ADCY8: variants seen among roughly 807,000 people sequenced by gnomAD.
ADCY8 encodes the protein adenylate cyclase 8, also known as adenylate cyclase type 8.
ADCY8 carries 51 observed loss-of-function variants against 119.7 expected under a neutral mutation model. The ratio of observed to expected loss-of-function variants is 0.43; its 90% CI spans 0.34 to 0.54. The LOEUF (loss-of-function observed/expected upper bound fraction) is 0.54, where lower values mean the gene tolerates loss of function less well. ADCY8 is among the 20% of genes least tolerant of loss of function. The pLI is 0.03. For missense variants in ADCY8, 1,383 were observed against 1,598.8 expected, an observed-to-expected ratio of 0.87 and a Z score of 2.30; for synonymous variants, 665 against 651.0, an observed-to-expected ratio of 1.02 and a Z score of -0.33.
chr8:131,025,556 C>T (rs1023047165), intron 1 of ADCY8, among the ~76,000 whole-genome samples: 1 of 152,158 alleles, frequency 6.6e-6, no homozygotes, highest in Non-Finnish European at 1.5e-5. Flanking sequence ...AAAGGACAGA[C>T]CCTGCTCTCA....
intron 8 of ADCY8, among the ~76,000 whole-genome samples, chr8:130,879,430 C>T (rs1051839634): frequency 1.3e-5 from 2 of 152,152 alleles, no homozygotes; most frequent in African/African-American, 4.8e-5. Flanking sequence ...CCTTCTACTG[C>T]AATAATAATT....
intron 2 of ADCY8, among the ~76,000 whole-genome samples, chr8:130,987,230 C>T (rs1050525612): frequency 1.3e-5 from 2 of 152,120 alleles, no homozygotes; most frequent in African/African-American, 2.4e-5. Flanking sequence ...GAGCTGAATC[C>T]TATTCACATG....
At chr8:130,807,229 C>T (rs918598610) in intron 14 of ADCY8, among the ~76,000 whole-genome samples, 2 of 152,190 alleles carry the variant, frequency 1.3e-5, no homozygotes, top group Non-Finnish European at 2.9e-5. Context: ...AACTCCAAGT[C>T]CTGCGTTGCT....
chr8:130,946,880 G>T (rs1821120338), intron 3 of ADCY8, among the ~76,000 whole-genome samples: 1 of 152,154 alleles, frequency 6.6e-6, no homozygotes, highest in Non-Finnish European at 1.5e-5. Context: ...TAGATGATTT[G>T]TGTGCACATT....
chr8:130,909,639 G>A (rs1399956390), intron 6 of ADCY8, 69 bp downstream of exon 6: 7 of 1,579,162 alleles, frequency 4.4e-6, no homozygotes, highest in Non-Finnish European at 5.2e-6. Flanking sequence ...TCTGTACACA[G>A]GAAACCCACT....
At chr8:131,036,831 C>CAAGAG (rs557468382) in intron 1 of ADCY8, among the ~76,000 whole-genome samples, 19 of 152,112 alleles carry the variant, frequency 1.2e-4, no homozygotes, top group African/African-American at 4.1e-4. Flanking sequence ...GAAGAGAATA[C>CAAGAG]AAGAGAAGAG....
chr8:130,991,350 G>T (rs542536379), intron 1 of ADCY8, among the ~76,000 whole-genome samples: 1 of 152,324 alleles, frequency 6.6e-6, no homozygotes, highest in Non-Finnish European at 1.5e-5. Context: ...AAGAAGCAAA[G>T]AACAGAGTTC....
At chr8:131,031,189 G>T (rs1451581589) in intron 1 of ADCY8, among the ~76,000 whole-genome samples, 1 of 151,318 alleles carries the variant, frequency 6.6e-6, no homozygotes, top group Non-Finnish European at 1.5e-5. Flanking sequence ...ATCCCTGATG[G>T]ATTGTTGCAC....
chr8:131,028,993 C>T (rs997127025), intron 1 of ADCY8, among the ~76,000 whole-genome samples: 1 of 152,128 alleles, frequency 6.6e-6, no homozygotes, highest in Non-Finnish European at 1.5e-5. Flanking sequence ...TTGTGGGTTG[C>T]ACAGCAGCAA....
intron 8 of ADCY8, among the ~76,000 whole-genome samples, chr8:130,880,299 C>G (rs1386043878): frequency 6.6e-6 from 1 of 152,132 alleles, no homozygotes; most frequent in Non-Finnish European, 1.5e-5. Context: ...AGTGGTTACC[C>G]TGGGTTGAAA....
intron 2 of ADCY8, 36 bp downstream of exon 2, chr8:130,990,357 G>A: frequency 6.2e-7 from 1 of 1,609,114 alleles, no homozygotes; most frequent in Non-Finnish European, 8.5e-7. Context: ...GACTGGCTAG[G>A]TGATAACTAA....
At position 130,997,676 on chromosome 8, in the gene ADCY8, T is replaced by C. The variant is rs188379508; in HGVS notation, c.961-7134A>G. ...TGTTTGGGTTTTAGTATCTAGTAAT[T>C]ATCTAAAAATGCCTGAACTGTTCAA... On this transcript the variant is annotated intron_variant, in intron 1 of 17. Transcript: ENST00000286355. 2.0e-4 allele frequency among the ~76,000 whole-genome samples: 30 copies of C among 152,332 alleles called. 1 individual carries two copies. In the East Asian group the frequency reaches 2.7e-3, roughly 14 times the overall value.
chr8:130,941,902 T>C (rs1297954639), intron 4 of ADCY8, among the ~76,000 whole-genome samples: 3 of 152,226 alleles, frequency 2.0e-5, no homozygotes, highest in Non-Finnish European at 4.4e-5. Flanking sequence ...AAATTATGTA[T>C]AATAAAATCA....
chr8:130,977,932 A>T (rs1218263457), intron 2 of ADCY8, among the ~76,000 whole-genome samples: 4 of 152,162 alleles, frequency 2.6e-5, no homozygotes, highest in African/African-American at 9.7e-5. Flanking sequence ...CATCTAATCT[A>T]TTGTGAAATA....
intron 5 of ADCY8, among the ~76,000 whole-genome samples, chr8:130,911,477 C>T (rs544893245): frequency 7.2e-5 from 11 of 151,830 alleles, no homozygotes; most frequent in Admixed American, 5.9e-4. Context: ...AACTTAAAAC[C>T]TGACCTTTAC....
At chr8:130,844,447 G>C (rs1489622302) in intron 11 of ADCY8, among the ~76,000 whole-genome samples, 5 of 152,130 alleles carry the variant, frequency 3.3e-5, no homozygotes, top group Admixed American at 6.5e-5. Context: ...CATCCAGTTT[G>C]ATAACATGTT....
At chr8:130,881,550 A>G (rs996221895) in intron 8 of ADCY8, among the ~76,000 whole-genome samples, 14 of 152,196 alleles carry the variant, frequency 9.2e-5, no homozygotes, top group African/African-American at 3.1e-4. Context: ...TTCCTTTCAG[A>G]AAACATACTT....
At chr8:130,803,942 G>A (rs1336427978) in intron 14 of ADCY8, among the ~76,000 whole-genome samples, 1 of 152,210 alleles carries the variant, frequency 6.6e-6, no homozygotes, top group Non-Finnish European at 1.5e-5. Context: ...AGGTAGGGCT[G>A]GGCAGGGTAG....
intron 2 of ADCY8, among the ~76,000 whole-genome samples, chr8:130,984,734 T>G (rs981388172): frequency 6.6e-6 from 1 of 152,142 alleles, no homozygotes; most frequent in African/African-American, 2.4e-5. Context: ...GGACCATGGT[T>G]GATGTGAAAG....
Sources: gnomAD v4.1 joint callset for allele counts (sites outside exome capture counted in the v4.1 genomes callset) on GRCh38, gnomAD v4.1.1 for gene constraint, MANE v1.5 for transcripts, NCBI Gene and HGNC (gene_info 2026-07-23, HGNC 2026-07-21) for gene names.